Variants in PLXNA4 observed in about 807,000 individuals in gnomAD.
The protein encoded by PLXNA4 is plexin A4.
Under a neutral mutation model 191.8 loss-of-function variants are expected in PLXNA4, and 44 were observed. The ratio of observed to expected loss-of-function variants is 0.23; its 90% confidence interval spans 0.18 to 0.29. The LOEUF (loss-of-function observed/expected upper bound fraction) is 0.29, where lower values mean the gene tolerates loss of function less well. Among genes scored for constraint, PLXNA4 ranks in the 10% least tolerant of loss-of-function variants. PLXNA4 has a pLI of 1.00. For missense variants in PLXNA4, 1,800 were observed against 2,488.8 expected (o/e 0.72, Z 5.89); for synonymous variants, 1,082 against 1,009.5 (o/e 1.07, Z -1.36).
intron 3 of PLXNA4, among the ~76,000 whole-genome samples, chr7:132,393,505 C>A (rs894327861): frequency 1.2e-4 from 18 of 152,306 alleles, no homozygotes; most frequent in African/African-American, 3.9e-4. Context: ...TTCCTCCCAA[C>A]AAGCTCATCA....
intron 1 of PLXNA4, among the ~76,000 whole-genome samples, chr7:132,557,389 G>A (rs1210967670): frequency 6.6e-6 from 1 of 152,132 alleles, no homozygotes; most frequent in Non-Finnish European, 1.5e-5. Flanking sequence ...AAAAGAGGTG[G>A]CAGGAGAGTT....
intron 3 of PLXNA4, among the ~76,000 whole-genome samples, chr7:132,332,196 G>A (rs1802615756): frequency 6.6e-6 from 1 of 152,204 alleles, no homozygotes; most frequent in African/African-American, 2.4e-5. Flanking sequence ...CACGTCGAGT[G>A]TGGAAAGAAG....
At chr7:132,345,718 C>T (rs1376952046) in intron 3 of PLXNA4, among the ~76,000 whole-genome samples, 2 of 152,184 alleles carry the variant, frequency 1.3e-5, no homozygotes, top group African/African-American at 2.4e-5. Flanking sequence ...TGTCTCACCC[C>T]AAGAGTAACT....
Position 132,384,355 on chromosome 7 carries a change from A to G in PLXNA4, c.1372-86133T>C, listed in dbSNP as rs922219297. On this transcript the variant is annotated intron_variant, in intron 3 of 31. Transcript: ENST00000321063. ...ACTACACTTTATTTCCCAGTAAGCT[A>G]GTAGAAATGATAGGAGCACATGACA... The G allele has an allele frequency of 5.1e-6, 5 of 985,474 alleles. No homozygotes were observed. The Middle Eastern group carries it at 1.6e-3, about 309-fold the overall frequency. 61.0% of individuals were successfully genotyped at this position (985,474 alleles called of 1,614,324 possible).
intron 3 of PLXNA4, among the ~76,000 whole-genome samples, chr7:132,412,479 C>T (rs1436499976): frequency 1.3e-5 from 2 of 152,138 alleles, no homozygotes; most frequent in African/African-American, 4.8e-5. Context: ...AGGAAAGAGG[C>T]AGAAGGAAGG....
intron 25 of PLXNA4, 74 bp from the exon 26 acceptor site, chr7:132,148,720 G>A (rs998215057): frequency 1.9e-6 from 3 of 1,600,950 alleles, no homozygotes; most frequent in African/African-American, 2.7e-5. Context: ...CCCTGTGTAG[G>A]TACCTATGCA....
chr7:132,391,397 T>G (rs1375680141), intron 3 of PLXNA4, among the ~76,000 whole-genome samples: 3 of 152,234 alleles, frequency 2.0e-5, no homozygotes, highest in African/African-American at 4.8e-5. Flanking sequence ...GGGGACAGCT[T>G]GTGCTGATAT....
intron 23 of PLXNA4, among the ~76,000 whole-genome samples, chr7:132,164,718 C>G (rs61189648): frequency 6.6e-6 from 1 of 152,204 alleles, no homozygotes; most frequent in African/African-American, 2.4e-5. Context: ...ACCTCCCAGG[C>G]GCATCCTTGG....
chr7:132,422,189 C>T (rs1400570002), intron 3 of PLXNA4, among the ~76,000 whole-genome samples: 7 of 152,214 alleles, frequency 4.6e-5, no homozygotes, highest in Non-Finnish European at 1.0e-4. Context: ...GCCCAGCACC[C>T]TCCTTCACCC....
intron 1 of PLXNA4, among the ~76,000 whole-genome samples, chr7:132,540,019 G>A (rs554305656): frequency 3.9e-5 from 6 of 152,198 alleles, no homozygotes; most frequent in Non-Finnish European, 7.4e-5. Context: ...TGGGCATCTA[G>A]AAATGTATGG....
intron 1 of PLXNA4, among the ~76,000 whole-genome samples, chr7:132,555,805 A>G (rs1432153078): frequency 6.6e-6 from 1 of 152,234 alleles, no homozygotes; most frequent in Non-Finnish European, 1.5e-5. Context: ...GAAGTATTGT[A>G]ACTAACCAGG....
At chr7:132,408,592 T>C (rs1197942744) in intron 3 of PLXNA4, among the ~76,000 whole-genome samples, 2 of 152,018 alleles carry the variant, frequency 1.3e-5, no homozygotes, top group Non-Finnish European at 2.9e-5. Context: ...GCCTCATGAG[T>C]AGCTGGGACT....
Position 132,168,443 on chromosome 7 carries a change from G to A in PLXNA4, c.4147C>T (p.Arg1383Cys), listed in dbSNP as rs888077375. ...ESQRSFSMRDRGNVASLIMTV... is the reference protein window; with the variant it reads ...ESQRSFSMRDCGNVASLIMTV... Reference sequence around the variant, plus strand: ...ATGATGAGTGAGGCCACGTTGCCACGGTCGCGCATGGAGAAGCTACGCTGG... The same window carrying A: ...ATGATGAGTGAGGCCACGTTGCCACAGTCGCGCATGGAGAAGCTACGCTGG... The change falls in exon 22 of 32, where the codon CGT (arginine) becomes TGT (cysteine). Residue 1383 changes from arginine to cysteine, a missense_variant. By Grantham distance (180) the Arg-to-Cys change is radical. This residue lies in a region of PLXNA4 where 1,397 missense variants were observed against 1,880.4 expected (regional missense o/e 0.74). Coordinates refer to ENST00000321063, the MANE Select transcript of PLXNA4 (RefSeq NM_020911.2). 2.5e-6 allele frequency: 4 copies of A among 1,613,946 alleles called. No individual in the cohort carries two copies. The highest frequency in any genetic ancestry group is 3.4e-6 in the Non-Finnish European group (4 of 1,179,944).
At chr7:132,308,065 A>C (rs987330244) in intron 3 of PLXNA4, among the ~76,000 whole-genome samples, 2 of 152,102 alleles carry the variant, frequency 1.3e-5, no homozygotes, top group African/African-American at 4.8e-5. Flanking sequence ...AACCTTCCCC[A>C]CCTGCTTGAG....
intron 1 of PLXNA4, among the ~76,000 whole-genome samples, chr7:132,532,823 G>T (rs1301352271): frequency 6.6e-6 from 1 of 152,148 alleles, no homozygotes. Flanking sequence ...CCTTCACCCA[G>T]TTGTTCCCTT....
intron 3 of PLXNA4, among the ~76,000 whole-genome samples, chr7:132,358,779 G>A (rs969452907): frequency 5.3e-5 from 8 of 152,284 alleles, no homozygotes; most frequent in Admixed American, 2.0e-4. Context: ...AGTTATGAGC[G>A]AGTATCACTG....
At chr7:132,142,982 C>CTAATGAAATATTAGCATATTA (rs1198231402) in intron 29 of PLXNA4, among the ~76,000 whole-genome samples, 1 of 152,172 alleles carries the variant, frequency 6.6e-6, no homozygotes, top group Non-Finnish European at 1.5e-5. Flanking sequence ...AGGTTCCCGC[C>CTAATGAAATATTAGCATATTA]TAATGAAATA....
intron 2 of PLXNA4, among the ~76,000 whole-genome samples, chr7:132,590,688 C>G (rs941913967): frequency 6.6e-6 from 1 of 152,110 alleles, no homozygotes; most frequent in Non-Finnish European, 1.5e-5. Context: ...TAGCTGGTAC[C>G]CACGCAGATT....
At chr7:132,534,624 G>T (rs764461792) in intron 1 of PLXNA4, among the ~76,000 whole-genome samples, 6 of 152,182 alleles carry the variant, frequency 3.9e-5, no homozygotes, top group Non-Finnish European at 8.8e-5. Context: ...CAAATAGGAT[G>T]GACACTGGGT....
Sources: gnomAD v4.1 joint callset for allele counts (sites outside exome capture counted in the v4.1 genomes callset) on GRCh38, gnomAD v4.1.1 for gene constraint, gnomAD v4.1.1 regional missense constraint, MANE v1.5 for transcripts, NCBI Gene and HGNC (gene_info 2026-07-23, HGNC 2026-07-21) for gene names.